TRIM2: variants seen among roughly 807,000 people sequenced by gnomAD.
TRIM2 encodes tripartite motif containing 2.
In TRIM2, 20 loss-of-function variants were observed where a neutral mutation model predicts 75.2. The ratio of observed to expected loss-of-function variants is 0.27; its 90% CI spans 0.19 to 0.39. TRIM2 has a LOEUF of 0.39. TRIM2 is among the 10% of genes least tolerant of loss of function. The pLI, the probability that TRIM2 is intolerant of heterozygous loss-of-function variation, is 1.00. For synonymous variants in TRIM2, 373 were observed against 388.3 expected (o/e 0.96, Z 0.46); for missense variants, 660 against 990.8 (o/e 0.67, Z 4.48).
chr4:153,194,202 A>G (rs1261484940), intron 1 of TRIM2, among the ~76,000 whole-genome samples: 1 of 152,238 alleles, frequency 6.6e-6, no homozygotes, highest in Non-Finnish European at 1.5e-5. Flanking sequence ...ACAGATTCTC[A>G]GAAATTTGCA....
intron 1 of TRIM2, among the ~76,000 whole-genome samples, chr4:153,250,130 C>G (rs1166080875): frequency 2.8e-5 from 4 of 144,940 alleles, no homozygotes; most frequent in Non-Finnish European, 6.1e-5. Context: ...CTTTTCTTTT[C>G]TTTTTTAAAG....
At chr4:153,244,437 T>TCTTCTTCTTC (rs1206105496) in intron 1 of TRIM2, among the ~76,000 whole-genome samples, 87 of 102,474 alleles carry the variant, frequency 8.5e-4, no homozygotes, top group Non-Finnish European at 9.4e-4. Context: ...TTCTTCTTCT[T>TCTTCTTCTTC]TTAATTAGAG....
chr4:153,270,616 G>A, intron 2 of TRIM2, 97 bp downstream of exon 2: 2 of 1,085,168 alleles, frequency 1.8e-6, no homozygotes, highest in Non-Finnish European at 2.6e-6. Flanking sequence ...TTACCTTTGA[G>A]AGAAAACTAA....
chr4:153,279,255 G>T (rs919177080), intron 3 of TRIM2, among the ~76,000 whole-genome samples: 9 of 152,144 alleles, frequency 5.9e-5, no homozygotes, highest in South Asian at 4.2e-4. Flanking sequence ...AAATAAAAAG[G>T]CCTGTGCTAA....
intron 1 of TRIM2, among the ~76,000 whole-genome samples, chr4:153,266,564 A>T (rs531011774): frequency 2.0e-5 from 3 of 150,828 alleles, no homozygotes; most frequent in African/African-American, 7.3e-5. Context: ...GATGGTCTGG[A>T]TCTCTTGACC....
At chr4:153,260,803 G>A (rs1430208325) in intron 1 of TRIM2, among the ~76,000 whole-genome samples, 4 of 149,146 alleles carry the variant, frequency 2.7e-5, no homozygotes, top group Non-Finnish European at 5.9e-5. Context: ...TTTACAAAAT[G>A]GCCCATCTGG....
In TRIM2 at chr4:153,336,353, A is replaced by G. The variant is rs921683447; in HGVS notation, c.*1387A>G. On this transcript the variant is annotated 3_prime_UTR_variant, in exon 12 of 12. Transcript: ENST00000338700. The stretch of plus-strand genomic sequence containing the variant: ...AAATGGCCTTCTGTGCTTTCAAAAA[A>G]AAAAACAAAAAAAAAACCACACACA... The G allele has an allele frequency of 1.0e-6, 1 of 984,672 alleles. No homozygotes were observed. 61.0% of individuals were successfully genotyped at this position (984,672 alleles called of 1,614,324 possible). A position where few individuals can be genotyped will look rare whatever the true frequency, so the allele number is the denominator to read the frequency against.
chr4:153,328,526 AC>A lies in TRIM2; in HGVS notation c.2023-3del. ...ACAAAATAATTTAAAAATATTTCATACAGGTGTTTAATCAGGAAGGAGAATT... is the reference window on the plus strand; with the variant it reads ...ACAAAATAATTTAAAAATATTTCATAAGGTGTTTAATCAGGAAGGAGAATT... On this transcript the variant is annotated splice_region_variant and splice_polypyrimidine_tract_variant and intron_variant, in intron 10 of 11. Coordinates refer to ENST00000338700, the MANE Select transcript of TRIM2 (RefSeq NM_015271.5). 1 of 1,599,206 alleles carries A rather than the reference AC, an allele frequency of 6.3e-7. No individual in the cohort carries two copies. Among genetic ancestry groups the A allele is most frequent in the Non-Finnish European group, 8.5e-7 (1 of 1,174,942 alleles).
intron 6 of TRIM2, among the ~76,000 whole-genome samples, chr4:153,298,559 C>T (rs1291534963): frequency 6.6e-6 from 1 of 152,120 alleles, no homozygotes; most frequent in East Asian, 1.9e-4. Flanking sequence ...CCTTCAAAGA[C>T]CTAATCTCCA....
intron 3 of TRIM2, among the ~76,000 whole-genome samples, chr4:153,285,682 C>T (rs533807890): frequency 1.3e-5 from 2 of 152,130 alleles, no homozygotes; most frequent in Non-Finnish European, 2.9e-5. Context: ...AGAGATACAA[C>T]TGATTTTTGT....
intron 3 of TRIM2, among the ~76,000 whole-genome samples, chr4:153,283,305 A>G (rs1207416359): frequency 1.3e-5 from 2 of 152,210 alleles, no homozygotes; most frequent in Non-Finnish European, 2.9e-5. Flanking sequence ...TATAAATGGA[A>G]TCATACAATA....
chr4:153,261,133 T>C (rs1445235879), intron 1 of TRIM2, among the ~76,000 whole-genome samples: 1 of 152,144 alleles, frequency 6.6e-6, no homozygotes, highest in Non-Finnish European at 1.5e-5. Flanking sequence ...CAATAAAAAA[T>C]GGGCTGGGCC....
Position 153,181,333 on chromosome 4 carries a change from C to T in TRIM2, c.-49+28063C>T, listed in dbSNP as rs368000525. ...AAGCCTTTCAAAGGCAGGCAGGAAACGAAGACAGTTCTGGAGGCCCTGTGG... is the reference window on the plus strand; with the variant it reads ...AAGCCTTTCAAAGGCAGGCAGGAAATGAAGACAGTTCTGGAGGCCCTGTGG... On this transcript the variant is annotated intron_variant, in intron 1 of 11. Transcript: ENST00000437508. Among the ~76,000 whole-genome samples, 44 of 152,022 alleles carry T rather than the reference C, an allele frequency of 2.9e-4. 1 individual carries two copies. The highest frequency in any genetic ancestry group is 3.4e-3 in the Middle Eastern group (1 of 294).
At chr4:153,242,921 A>T (rs1328943430) in intron 1 of TRIM2, among the ~76,000 whole-genome samples, 5 of 152,204 alleles carry the variant, frequency 3.3e-5, no homozygotes, top group Non-Finnish European at 7.4e-5. Context: ...ACTGAGCACC[A>T]GGTGTCCTGA....
intron 11 of TRIM2, among the ~76,000 whole-genome samples, chr4:153,329,926 T>C (rs1047182990): frequency 6.6e-6 from 1 of 150,756 alleles, no homozygotes; most frequent in African/African-American, 2.4e-5. Context: ...TTTGAAAAGA[T>C]AGTAAAACCA....
upstream of TRIM2, among the ~76,000 whole-genome samples, chr4:153,202,626 G>C (rs538785132): frequency 5.8e-4 from 88 of 151,258 alleles, no homozygotes; most frequent in African/African-American, 2.1e-3. Context: ...CTGAACCCGA[G>C]AGGCGGAGCT....
rs1425711385 is a variant in TRIM2, at chr4:153,335,675, C to G, written c.*709C>G. ...AAACAAAGTACTTCTTCAGGGAAAC[C>G]TGAAATTTCTAATGCCTTGAAAAGC... On this transcript the variant is annotated 3_prime_UTR_variant, in exon 12 of 12. Transcript: ENST00000338700. The G allele has an allele frequency of 1.8e-5, 18 of 985,334 alleles. No individual in the cohort carries two copies. The highest frequency in any genetic ancestry group is 2.2e-5 in the Non-Finnish European group (18 of 829,942). 61.0% of individuals were successfully genotyped at this position (985,334 alleles called of 1,614,324 possible).
intron 1 of TRIM2, among the ~76,000 whole-genome samples, chr4:153,187,509 C>A (rs1266167162): frequency 6.6e-6 from 1 of 152,200 alleles, no homozygotes; most frequent in Non-Finnish European, 1.5e-5. Context: ...TGATGCTCAT[C>A]CGCAGGTTAG....
intron 1 of TRIM2, among the ~76,000 whole-genome samples, chr4:153,153,719 G>C (rs576325994): frequency 1.2e-4 from 19 of 152,330 alleles, no homozygotes; most frequent in African/African-American, 2.6e-4. Flanking sequence ...GGCTGCGGCC[G>C]GTCCTGCAGG....
Sources: allele counts gnomAD v4.1 joint callset (sites outside exome capture counted in the v4.1 genomes callset), GRCh38; gene constraint gnomAD v4.1.1; transcripts MANE v1.5; gene names NCBI Gene and HGNC (gene_info 2026-07-23, HGNC 2026-07-21).